The following BTBD7 variants were observed in gnomAD, a reference collection of about 807,000 sequenced individuals.
The protein encoded by BTBD7 is BTB/POZ domain-containing protein 7.
In BTBD7, 38 loss-of-function variants were observed where a neutral mutation model predicts 99.9. The observed-to-expected ratio is 0.38, with a 90% confidence interval of 0.29 to 0.50. The LOEUF (loss-of-function observed/expected upper bound fraction) is 0.50, where lower values mean the gene tolerates loss of function less well. Ranked by LOEUF, BTBD7 falls within the 20% of genes least tolerant of loss-of-function variation. The pLI, the probability that BTBD7 is intolerant of heterozygous loss-of-function variation, is 0.93. For missense variants in BTBD7, 1,170 were observed against 1,394.6 expected (o/e 0.84, Z 2.57); for synonymous variants, 520 against 511.4 (o/e 1.02, Z -0.23).
chr14:93,292,901 T>C (rs1014838489), intron 3 of BTBD7, among the ~76,000 whole-genome samples: 3 of 152,228 alleles, frequency 2.0e-5, no homozygotes, highest in African/African-American at 7.2e-5. Context: ...ATAATACATA[T>C]TATTTTCAAG....
rs1386414071 is a variant in BTBD7, at chr14:93,296,020, G to A, written c.32C>T (p.Ser11Leu). The change falls in exon 2 of 11, where the codon TCA becomes TTA. Residue 11 changes from serine to leucine, a missense_variant. By Grantham distance (145) the Ser-to-Leu change is moderately radical (BLOSUM62 -2). Transcript: ENST00000334746. MGANASNYPH[S>L]CSPRVGGNSQ... ...ATTTCCCCCTACCCTCGGGGAACAT[G>A]AATGAGGATAATTAGATGCATTAGC... is the stretch of plus-strand genomic sequence containing the variant. 4.3e-6 allele frequency: 7 copies of A among 1,613,974 alleles called. No homozygotes were observed. The highest frequency in any genetic ancestry group is 5.9e-6 in the Non-Finnish European group (7 of 1,179,996).
At chr14:93,286,025 G>A in intron 3 of BTBD7, among the ~76,000 whole-genome samples, 2 of 152,116 alleles carry the variant, frequency 1.3e-5, no homozygotes, top group African/African-American at 4.8e-5. Context: ...GAGTTGCCTG[G>A]GACCCTGGCC....
intron 5 of BTBD7, among the ~76,000 whole-genome samples, chr14:93,259,110 A>T (rs1240036773): frequency 6.6e-6 from 1 of 152,220 alleles, no homozygotes; most frequent in Non-Finnish European, 1.5e-5. Context: ...TCATAGGGAA[A>T]ACACAGGGTT....
chr14:93,308,152 T>C (rs1374183619), intron 1 of BTBD7, among the ~76,000 whole-genome samples: 1 of 151,372 alleles, frequency 6.6e-6, no homozygotes, highest in African/African-American at 2.4e-5. Context: ...CCGGGTGTGG[T>C]GGTGGGCGCC....
intron 10 of BTBD7, 121 bp from the exon 11 acceptor site, chr14:93,243,209 T>G (rs2052258605): frequency 1.0e-6 from 1 of 990,496 alleles, no homozygotes. Flanking sequence ...TGTTTTTTTT[T>G]TTGAGACAGA....
At chr14:93,251,224 G>C (rs74072807) in intron 8 of BTBD7, among the ~76,000 whole-genome samples, 389 of 152,336 alleles carry the variant, frequency 2.6e-3, no homozygotes, top group African/African-American at 8.4e-3. Flanking sequence ...CCAAATGTCA[G>C]TAAGACCAAG....
intron 1 of BTBD7, among the ~76,000 whole-genome samples, chr14:93,296,889 C>T (rs1181861220): frequency 6.6e-6 from 1 of 152,132 alleles, no homozygotes; most frequent in East Asian, 1.9e-4. Flanking sequence ...CTAACAATTA[C>T]AGATTAAATT....
At chr14:93,301,180 C>G (rs2053000297) in intron 1 of BTBD7, among the ~76,000 whole-genome samples, 1 of 151,976 alleles carries the variant, frequency 6.6e-6, no homozygotes, top group South Asian at 2.1e-4. Flanking sequence ...CATTGTGAGA[C>G]TCTGTCTTTC....
intron 3 of BTBD7, among the ~76,000 whole-genome samples, chr14:93,267,454 C>T (rs1306841037): frequency 2.0e-5 from 3 of 152,174 alleles, no homozygotes; most frequent in Admixed American, 6.5e-5. Flanking sequence ...TACATTTGCT[C>T]AAACAGTCTG....
intron 3 of BTBD7, among the ~76,000 whole-genome samples, chr14:93,293,462 T>C (rs1381616147): frequency 6.6e-6 from 1 of 152,220 alleles, no homozygotes; most frequent in Non-Finnish European, 1.5e-5. Flanking sequence ...AATGAATTTT[T>C]ATTCTTATCC....
intron 1 of BTBD7, among the ~76,000 whole-genome samples, chr14:93,297,510 A>G (rs2052943544): frequency 6.6e-6 from 1 of 152,090 alleles, no homozygotes; most frequent in African/African-American, 2.4e-5. Flanking sequence ...TTTAGTAGAG[A>G]TGGGGTTTCA....
chr14:93,239,703 T>C lies in BTBD7; in HGVS notation c.*2570A>G, dbSNP rs909381340. The C allele has an allele frequency of 2.6e-5, 4 of 152,546 alleles. No individual in the cohort carries two copies. Among genetic ancestry groups the C allele is most frequent in the African/African-American group, 9.7e-5 (4 of 41,436 alleles). The allele number at this position is 152,546 out of a possible 1,614,324, so 9.4% of individuals were successfully genotyped here. A position where few individuals can be genotyped will look rare whatever the true frequency, so the allele number is the denominator to read the frequency against. On this transcript the variant is annotated 3_prime_UTR_variant, in exon 11 of 11. Transcript: ENST00000334746. Reference sequence around the variant, plus strand: ...CAGATTAAAGCAAGTTTTCCCTTTATACGCAAAGTTTTAGCCAGGTAAGCT... The same window carrying C: ...CAGATTAAAGCAAGTTTTCCCTTTACACGCAAAGTTTTAGCCAGGTAAGCT...
chr14:93,332,722 C>T (rs2053462872), intron 1 of BTBD7, 98 bp downstream of exon 1: 2 of 1,353,014 alleles, frequency 1.5e-6, no homozygotes, highest in South Asian at 1.8e-5. Flanking sequence ...CCCCGGCGCC[C>T]CCACGCCTAA....
At chr14:93,281,352 G>A (rs904594464) in intron 3 of BTBD7, among the ~76,000 whole-genome samples, 2 of 151,498 alleles carry the variant, frequency 1.3e-5, no homozygotes, top group African/African-American at 4.8e-5. Flanking sequence ...GCCTAGGCAG[G>A]TCTCAAACTC....
chr14:93,284,923 A>G (rs937114760), intron 3 of BTBD7, among the ~76,000 whole-genome samples: 1 of 152,048 alleles, frequency 6.6e-6, no homozygotes, highest in Admixed American at 6.6e-5. Context: ...TTTTAAAACA[A>G]AAGATGCAAT....
intron 3 of BTBD7, among the ~76,000 whole-genome samples, chr14:93,284,767 G>A (rs1346922674): frequency 6.6e-6 from 1 of 152,072 alleles, no homozygotes; most frequent in Non-Finnish European, 1.5e-5. Context: ...GCAAAACAAG[G>A]AAAGTAAGCA....
At position 93,294,173 on chromosome 14, in the gene BTBD7, C is replaced by A; in HGVS notation, c.847G>T (p.Ala283Ser). Residue 283 changes from alanine (A) to serine (S), a missense_variant, in exon 3 of 11, where the codon GCA (alanine) becomes TCA (serine). By Grantham distance (99) the Ala-to-Ser change is moderately conservative. Around this residue, in one of 4 missense-constraint regions of BTBD7, gnomAD observed 359 missense variants for 497.9 expected, o/e 0.72. Coordinates refer to ENST00000334746, the MANE Select transcript of BTBD7 (RefSeq NM_001002860.4). ...ELKAHKAVIS[A>S]RSPFFRNLLQ... ...AAATTTCGAAAAAATGGGGACCGTG[C>A]AGAAATAACAGCCTTGTGGGCTTTG... 5 of 1,614,136 alleles carry A rather than the reference C, an allele frequency of 3.1e-6. No individual in the cohort carries two copies. Among genetic ancestry groups the A allele is most frequent in the Non-Finnish European group, 4.2e-6 (5 of 1,180,024 alleles).
intron 1 of BTBD7, among the ~76,000 whole-genome samples, chr14:93,327,004 A>G (rs1170788616): frequency 6.6e-6 from 1 of 150,546 alleles, no homozygotes; most frequent in African/African-American, 2.4e-5. Context: ...TGTCTCTCAC[A>G]ACAAAAATTA....
intron 1 of BTBD7, among the ~76,000 whole-genome samples, chr14:93,301,335 G>A (rs2053002571): frequency 6.6e-6 from 1 of 151,974 alleles, no homozygotes; most frequent in Admixed American, 6.6e-5. Flanking sequence ...GGGATTACAG[G>A]CATGCATCAC....
Sources: gnomAD v4.1 joint callset for allele counts (sites outside exome capture counted in the v4.1 genomes callset) on GRCh38, gnomAD v4.1.1 for gene constraint, gnomAD v4.1.1 regional missense constraint, MANE v1.5 for transcripts, NCBI Gene and HGNC (gene_info 2026-07-23, HGNC 2026-07-21) for gene names.